The following KLRC4 variants were observed in gnomAD, a reference collection of about 807,000 sequenced individuals.
KLRC4 encodes the protein killer cell lectin like receptor C4.
KLRC4 carries 6 observed loss-of-function variants against 14.3 expected under a neutral mutation model. The observed-to-expected ratio is 0.42, with a 90% CI of 0.23 to 0.83. The LOEUF (loss-of-function observed/expected upper bound fraction) is 0.83, where lower values mean the gene tolerates loss of function less well. Ranked by LOEUF, KLRC4 falls within the 40% of genes least tolerant of loss-of-function variation. The probability of loss-of-function intolerance (pLI) is 0.29; values close to 1 mark genes in which losing one functional copy is unlikely to be tolerated. For synonymous variants in KLRC4, 53 were observed against 60.5 expected (o/e 0.88, Z 0.57); for missense variants, 158 against 179.4 (o/e 0.88, Z 0.68).
chr12:10,407,441 T>C lies in KLRC4; in HGVS notation c.*212A>G. The C allele has an allele frequency of 2.0e-6, 1 of 512,646 alleles. No homozygotes were observed. Among genetic ancestry groups the C allele is most frequent in the Non-Finnish European group, 3.2e-6 (1 of 308,034 alleles). 31.8% of individuals were successfully genotyped at this position (512,646 alleles called of 1,614,324 possible). The stretch of plus-strand genomic sequence containing the variant: ...ACATTTATAGAAGCATGGGTTTCCA[T>C]GAAAAGCAAAACTGGAAATAACCAA... On this transcript the variant is annotated 3_prime_UTR_variant, in exon 4 of 4. Transcript: ENST00000309384.
At chr12:10,408,846 T>A in intron 2 of KLRC4, 66 bp downstream of exon 2, 6 of 1,589,692 alleles carry the variant, frequency 3.8e-6, no homozygotes, top group Non-Finnish European at 5.2e-6. Flanking sequence ...TATTATGAAA[T>A]GTTTCAAGGC....
In KLRC4 at chr12:10,409,490, A is replaced by C. The variant is rs1841958; in HGVS notation, c.86T>G (p.Ile29Ser). 0.7 allele frequency: 1,132,169 copies of C among 1,613,540 alleles called. 399,140 individuals carry two copies. The highest frequency in any genetic ancestry group is 0.82 in the Admixed American group (49,416 of 60,008). ...RQQRKLKGNK[I>S]SISGTKQEIF... The stretch of plus-strand genomic sequence containing the variant: ...TTCCTGTTTGGTTCCTGAAATGGAG[A>C]TTTTATTGCCCTTAAGTTTCCTTTG... Residue 29 changes from isoleucine to serine, a missense_variant, in exon 1 of 4, where the codon ATC (isoleucine) becomes AGC (serine). Transcript: ENST00000309384.
At position 10,407,546 on chromosome 12, in the gene KLRC4, A is replaced by T; in HGVS notation, c.*107T>A. The T allele has an allele frequency of 7.7e-7, 1 of 1,298,114 alleles. No individual in the cohort carries two copies. Among genetic ancestry groups the T allele is most frequent in the Non-Finnish European group, 1.1e-6 (1 of 940,982 alleles). The allele number at this position is 1,298,114 out of a possible 1,614,324, so 80.4% of individuals were successfully genotyped here. On this transcript the variant is annotated 3_prime_UTR_variant, in exon 4 of 4. Transcript: ENST00000309384. ...CACAGACTTAAAAATATATGAAGTA[A>T]ATATATGTATAAACATATGGATGAT... is the stretch of plus-strand genomic sequence containing the variant.
At chr12:10,408,269 T>C in intron 3 of KLRC4, 60 bp downstream of exon 3, 1 of 947,276 alleles carries the variant, frequency 1.1e-6, no homozygotes, top group Non-Finnish European at 1.7e-6. Context: ...TCATTTTGCA[T>C]CCCTTTAGAG....
intron 3 of KLRC4, 145 bp from the exon 4 acceptor site, chr12:10,407,934 C>G: frequency 8.4e-7 from 1 of 1,185,662 alleles, no homozygotes; most frequent in South Asian, 1.9e-5. Flanking sequence ...TAACGAGTCA[C>G]TCATACGCAC....
chr12:10,408,090 C>A (rs539810651), intron 3 of KLRC4, among the ~76,000 whole-genome samples: 22 of 152,132 alleles, frequency 1.4e-4, no homozygotes, highest in Non-Finnish European at 2.8e-4. Flanking sequence ...CTCTTATCAT[C>A]TTATAGTAGT....
intron 3 of KLRC4, 31 bp downstream of exon 3, chr12:10,408,298 T>C: frequency 7.7e-7 from 1 of 1,306,866 alleles, no homozygotes; most frequent in Non-Finnish European, 1.1e-6. Flanking sequence ...TAAACTGTAC[T>C]AACATCAGAA....
intron 3 of KLRC4, among the ~76,000 whole-genome samples, chr12:10,408,063 A>AAAATTAAAATTTTAATTT (rs1418229135): frequency 4.6e-5 from 7 of 151,632 alleles, no homozygotes; most frequent in Non-Finnish European, 1.0e-4. Flanking sequence ...CTTTTTAAGT[A>AAAATTAAAATTTTAATTT]TAGTAAAATT....
Position 10,409,452 on chromosome 12 carries a change from C to T in KLRC4, c.124G>A (p.Glu42Lys). ...SGTKQEIFQV[E>K]LNLQNASSDH... ...GAAGAAGCATTTTGAAGGTTTAATT[C>T]TACTTGGAATATTTCCTGTTTGGTT... The change falls in exon 1 of 4, where the codon GAA becomes AAA. Residue 42 changes from glutamate (E) to lysine (K), a missense_variant. Coordinates refer to ENST00000309384, the MANE Select transcript of KLRC4 (RefSeq NM_013431.2). The T allele has an allele frequency of 6.2e-7, 1 of 1,613,660 alleles. No homozygotes were observed. The highest frequency in any genetic ancestry group is 8.5e-7 in the Non-Finnish European group (1 of 1,179,594).
At position 10,409,600 on chromosome 12, in the gene KLRC4, A is replaced by T. The variant is rs1863554024; in HGVS notation, c.-25T>A. 6.3e-7 allele frequency: 1 copy of T among 1,597,146 alleles called. No individual in the cohort carries two copies. The highest frequency in any genetic ancestry group is 8.5e-7 in the Non-Finnish European group (1 of 1,173,772). ...TCTCTGCAGCTGTGTGATGTCAGGG[A>T]CTGTGCTCTATGATAACTGCACTTA... is the stretch of plus-strand genomic sequence containing the variant. On this transcript the variant is annotated 5_prime_UTR_variant, in exon 1 of 4. Coordinates refer to ENST00000309384, the MANE Select transcript of KLRC4 (RefSeq NM_013431.2).
At position 10,409,370 on chromosome 12, in the gene KLRC4, G is replaced by T; in HGVS notation, c.187+19C>A. 6.3e-7 allele frequency: 1 copy of T among 1,590,044 alleles called. No homozygotes were observed. The highest frequency in any genetic ancestry group is 8.6e-7 in the Non-Finnish European group (1 of 1,158,610). ...CACATCCTAGAACAATAATATTGAA[G>T]ATCTATTTAATGTTTTACCTTTGCA... is the stretch of plus-strand genomic sequence containing the variant. On this transcript the variant is annotated intron_variant, in intron 1 of 3. Transcript: ENST00000309384.
intron 3 of KLRC4, among the ~76,000 whole-genome samples, chr12:10,408,016 C>A (rs1229435310): frequency 2.6e-5 from 4 of 152,052 alleles, no homozygotes; most frequent in Non-Finnish European, 4.4e-5. Context: ...CAACAAAAAT[C>A]CACCCTACAC....
chr12:10,408,011 A>C (rs531113375), intron 3 of KLRC4, among the ~76,000 whole-genome samples: 25 of 152,200 alleles, frequency 1.6e-4, no homozygotes, highest in African/African-American at 5.8e-4. Context: ...CCCGCCAACA[A>C]AAATCCACCC....
In KLRC4 at chr12:10,407,513, G is replaced by T; in HGVS notation, c.*140C>A. 1 of 977,966 alleles carries T rather than the reference G, an allele frequency of 1.0e-6. No individual in the cohort carries two copies. 60.6% of individuals were successfully genotyped at this position (977,966 alleles called of 1,614,324 possible). A position where few individuals can be genotyped will look rare whatever the true frequency, so the allele number is the denominator to read the frequency against. ...ATATAAAAATATTATGAAGTCAGTT[G>T]AATACTACACAGACTTAAAAATATA... On this transcript the variant is annotated 3_prime_UTR_variant, in exon 4 of 4. Coordinates refer to ENST00000309384, the MANE Select transcript of KLRC4 (RefSeq NM_013431.2).
At position 10,409,743 on chromosome 12, in the gene KLRC4, T is replaced by C. The variant is rs1354108068; in HGVS notation, c.-168A>G. ...GACCAATATAAAAGTCTGGTACTAA[T>C]TTCCTAAAGTTTTAAACTGAAATCT... is the stretch of plus-strand genomic sequence containing the variant. On this transcript the variant is annotated 5_prime_UTR_variant, in exon 1 of 4. Coordinates refer to ENST00000309384, the MANE Select transcript of KLRC4 (RefSeq NM_013431.2). 1.0e-6 allele frequency: 1 copy of C among 998,678 alleles called. No individual in the cohort carries two copies. The highest frequency in any genetic ancestry group is 3.8e-5 in the Admixed American group (1 of 26,080). The allele number at this position is 998,678 out of a possible 1,614,324, so 61.9% of individuals were successfully genotyped here.
intron 1 of KLRC4, 74 bp downstream of exon 1, chr12:10,409,315 A>G: frequency 1.1e-6 from 1 of 906,468 alleles, no homozygotes; most frequent in Non-Finnish European, 1.6e-6. Context: ...AATATTCCCT[A>G]ATCTTTCCCC....
rs771482373 is a variant in KLRC4 at position 10,408,311 on chromosome 12, T to C, written c.340+18A>G. On this transcript the variant is annotated intron_variant, in intron 3 of 3. Coordinates refer to ENST00000309384, the MANE Select transcript of KLRC4 (RefSeq NM_013431.2). ...TATAAACTGTACTAACATCAGAACA[T>C]TGACAATCATAATGTACCTTTCTGC... is the stretch of plus-strand genomic sequence containing the variant. 40 of 1,404,222 alleles carry C rather than the reference T, an allele frequency of 2.8e-5. No individual in the cohort carries two copies. The highest frequency in any genetic ancestry group is 2.7e-4 in the South Asian group (23 of 85,454). The allele number at this position is 1,404,222 out of a possible 1,614,324, so 87.0% of individuals were successfully genotyped here.
At position 10,409,732 on chromosome 12, in the gene KLRC4, T is replaced by G; in HGVS notation, c.-157A>C. 1 of 1,099,686 alleles carries G rather than the reference T, an allele frequency of 9.1e-7. No homozygotes were observed. Among genetic ancestry groups the G allele is most frequent in the Non-Finnish European group, 1.2e-6 (1 of 834,496 alleles). The allele number at this position is 1,099,686 out of a possible 1,614,324, so 68.1% of individuals were successfully genotyped here. A position where few individuals can be genotyped will look rare whatever the true frequency, so the allele number is the denominator to read the frequency against. On this transcript the variant is annotated 5_prime_UTR_variant, in exon 1 of 4. Transcript: ENST00000309384. ...ATTTTGCTGTTGACCAATATAAAAG[T>G]CTGGTACTAATTTCCTAAAGTTTTA...
chr12:10,407,913 A>C (rs775793284), intron 3 of KLRC4, 124 bp from the exon 4 acceptor site: 15 of 1,309,234 alleles, frequency 1.1e-5, no homozygotes, highest in Admixed American at 2.7e-5. Context: ...TGTTAAATAT[A>C]TATTTTAAAA....
Sources: allele counts gnomAD v4.1 joint callset (sites outside exome capture counted in the v4.1 genomes callset), GRCh38; gene constraint gnomAD v4.1.1; transcripts MANE v1.5; gene names NCBI Gene and HGNC (gene_info 2026-07-23, HGNC 2026-07-21).